PCDHGA3: variants seen among roughly 807,000 people sequenced by gnomAD.
PCDHGA3 encodes protocadherin gamma subfamily A, 3.
In PCDHGA3, 40 loss-of-function variants were observed where a neutral mutation model predicts 58.5. The observed-to-expected ratio is 0.68, with a 90% CI of 0.53 to 0.89. The LOEUF is 0.89. PCDHGA3 is among the 40% of genes least tolerant of loss of function. The pLI is 0.00. For missense variants in PCDHGA3, 1,223 were observed against 1,195.9 expected (o/e 1.02, Z -0.33); for synonymous variants, 530 against 525.7 (o/e 1.01, Z -0.11).
chr5:141,413,117 C>A, intron 1 of PCDHGA3: 1 of 1,509,120 alleles, frequency 6.6e-7, no homozygotes, highest in Non-Finnish European at 8.9e-7. Context: ...ACAAAGGAAC[C>A]GGTTGAAACA....
chr5:141,356,586 T>C (rs898846586), intron 1 of PCDHGA3: 1 of 1,614,058 alleles, frequency 6.2e-7, no homozygotes, highest in African/African-American at 1.3e-5. Context: ...CTTACATTCC[T>C]GAAAACAACC....
intron 2 of PCDHGA3, among the ~76,000 whole-genome samples, chr5:141,495,678 C>T (rs1340336428): frequency 6.6e-6 from 1 of 152,180 alleles, no homozygotes; most frequent in African/African-American, 2.4e-5. Context: ...CTGTGCCTGC[C>T]ATGGCATAAG....
chr5:141,431,420 G>A lies in PCDHGA3; in HGVS notation c.2425-63387G>A, dbSNP rs780266425. ...TACGGCCTCCGACGGGGGCGACCCG[G>A]TGCGCACAGGCACCGCGCGCATCCG... On this transcript the variant is annotated intron_variant, in intron 1 of 3. Coordinates refer to ENST00000253812, the MANE Select transcript of PCDHGA3 (RefSeq NM_018916.4). The surrounding 1 kb of genome is among the most constrained non-coding windows in gnomAD (Gnocchi z 4.8). 5 of 1,613,592 alleles carry A rather than the reference G, an allele frequency of 3.1e-6. No homozygotes were observed. The highest frequency in any genetic ancestry group is 3.4e-6 in the Non-Finnish European group (4 of 1,180,050).
chr5:141,413,033 T>G, intron 1 of PCDHGA3: 1 of 776,760 alleles, frequency 1.3e-6, no homozygotes, highest in Non-Finnish European at 2.0e-6. Context: ...ACAAACCGGC[T>G]GCTGGGCTGC....
intron 3 of PCDHGA3, among the ~76,000 whole-genome samples, chr5:141,508,742 C>A (rs955179947): frequency 2.0e-5 from 3 of 151,998 alleles, no homozygotes; most frequent in Admixed American, 6.6e-5. Context: ...CCCCCCACCC[C>A]GCTCTTTCTC....
chr5:141,511,293 G>A lies in PCDHGA3; in HGVS notation c.*120G>A, dbSNP rs1028501355. On this transcript the variant is annotated 3_prime_UTR_variant, in exon 4 of 4. Coordinates refer to ENST00000253812, the MANE Select transcript of PCDHGA3 (RefSeq NM_018916.4). ...CCCCAGAATACTGGTAGGGGCCAAG[G>A]CCATGCTCCCCTTGGGAAACAGAAA... The A allele has an allele frequency of 3.3e-6, 5 of 1,509,316 alleles. No individual in the cohort carries two copies. In the African/African-American group the frequency reaches 5.6e-5, roughly 17 times the overall value. The allele number at this position is 1,509,316 out of a possible 1,614,324, so 93.5% of individuals were successfully genotyped here.
chr5:141,361,008 T>C (rs1327006146), intron 1 of PCDHGA3: 4 of 1,613,330 alleles, frequency 2.5e-6, no homozygotes, highest in African/African-American at 1.3e-5. Flanking sequence ...TGAAACACTT[T>C]TTCAACTTAA....
At chr5:141,377,295 G>A (rs2150107676) in intron 1 of PCDHGA3, 2 of 152,102 alleles carry the variant, frequency 1.3e-5, no homozygotes, top group Middle Eastern at 6.8e-3. Context: ...CTTAATTTAG[G>A]TCAGTGTTAA....
chr5:141,362,632 TTTC>T (rs1762606718), intron 1 of PCDHGA3: 2 of 1,490,270 alleles, frequency 1.3e-6, no homozygotes, highest in Admixed American at 4.6e-5. Flanking sequence ...CCACTGCGTA[TTTC>T]TTTGTCTGTG....
At chr5:141,450,006 CTTTTTT>C (rs1554136305) in intron 1 of PCDHGA3, among the ~76,000 whole-genome samples, 7,115 of 132,964 alleles carry the variant, frequency 0.054, 434 homozygotes, top group African/African-American at 0.14. Flanking sequence ...TGCCATGTCT[CTTTTTT>C]TTTTTTTTTT....
At chr5:141,371,024 G>C (rs1588679786) in intron 1 of PCDHGA3, 1 of 1,613,886 alleles carries the variant, frequency 6.2e-7, no homozygotes, top group African/African-American at 1.3e-5. Context: ...ATCACCACCT[G>C]GTCCTCACAG....
intron 1 of PCDHGA3, among the ~76,000 whole-genome samples, chr5:141,457,822 C>A (rs1477393535): frequency 6.6e-6 from 1 of 152,178 alleles, no homozygotes; most frequent in Non-Finnish European, 1.5e-5. Context: ...AAGATAAACT[C>A]AGAGCTTCCA....
intron 1 of PCDHGA3, chr5:141,398,456 C>A (rs1262009079): frequency 6.3e-7 from 1 of 1,590,134 alleles, no homozygotes; most frequent in Non-Finnish European, 8.6e-7. Context: ...GAGGCTGTTG[C>A]TGAAAATCCA....
Position 141,477,545 on chromosome 5 carries a change from C to T in PCDHGA3, c.2425-17262C>T. The T allele has an allele frequency of 6.2e-7, 1 of 1,614,194 alleles. No individual in the cohort carries two copies. Among genetic ancestry groups the T allele is most frequent in the South Asian group, 1.1e-5 (1 of 91,086 alleles). On this transcript the variant is annotated intron_variant, in intron 1 of 3. Coordinates refer to ENST00000253812, the MANE Select transcript of PCDHGA3 (RefSeq NM_018916.4). The surrounding 1 kb of genome is among the most constrained non-coding windows in gnomAD (Gnocchi z 4.9). ...AAACAACCTCCCCGGGGCTCCAATA[C>T]TAAACCTAAGTGTCTGGGACCCCGA...
chr5:141,351,434 T>G, intron 1 of PCDHGA3: 1 of 1,612,158 alleles, frequency 6.2e-7, no homozygotes, highest in Non-Finnish European at 8.5e-7. Context: ...CAAATTAGAA[T>G]CCACCTCGAA....
Position 141,415,396 on chromosome 5 carries a change from G to A in PCDHGA3, c.2424+68939G>A, listed in dbSNP as rs11575962. 4,865 of 1,614,204 alleles carry A rather than the reference G, an allele frequency of 3.0e-3. 27 individuals are homozygous for A. The highest frequency in any genetic ancestry group is 0.011 in the Admixed American group (656 of 60,024). ...AGGAGGCGGCTTGACAGGTGTGTCC[G>A]GCTCGCACTTTGTGGGCGTGGACGG... On this transcript the variant is annotated intron_variant, in intron 1 of 3. Coordinates refer to ENST00000253812, the MANE Select transcript of PCDHGA3 (RefSeq NM_018916.4).
rs191953163 is a variant in PCDHGA3 at position 141,426,385 on chromosome 5, C to T, written c.2425-68422C>T. Reference sequence around the variant, plus strand: ...CTGCGGGGCACCCTCGGAGCAGATCCGCTACTCTATTCCAGAAGAAACGGT... The same window carrying T: ...CTGCGGGGCACCCTCGGAGCAGATCTGCTACTCTATTCCAGAAGAAACGGT... On this transcript the variant is annotated intron_variant, in intron 1 of 3. Transcript: ENST00000253812. 1.4e-3 allele frequency: 332 copies of T among 244,362 alleles called. 1 individual carries two copies. The highest frequency in any genetic ancestry group is 1.5e-3 in the Non-Finnish European group (188 of 121,940). 15.1% of individuals were successfully genotyped at this position (244,362 alleles called of 1,614,324 possible). A position where few individuals can be genotyped will look rare whatever the true frequency, so the allele number is the denominator to read the frequency against.
chr5:141,352,097 T>C (rs761063437), intron 1 of PCDHGA3: 1 of 1,605,856 alleles, frequency 6.2e-7, no homozygotes, highest in Non-Finnish European at 8.5e-7. Context: ...GCCCGGGCTC[T>C]TCAGCCTGGG....
chr5:141,472,542 G>GA (rs904556404), intron 1 of PCDHGA3, among the ~76,000 whole-genome samples: 21 of 147,124 alleles, frequency 1.4e-4, no homozygotes, highest in Admixed American at 7.4e-4. Flanking sequence ...ACCATCTCAA[G>GA]AAAAAAAAAA....
Sources: allele counts gnomAD v4.1 joint callset (sites outside exome capture counted in the v4.1 genomes callset), GRCh38; gene constraint gnomAD v4.1.1; non-coding constraint Gnocchi (gnomAD v3.1); transcripts MANE v1.5; gene names NCBI Gene and HGNC (gene_info 2026-07-23, HGNC 2026-07-21).